Variants in CACNA1C observed in about 807,000 individuals in gnomAD.
CACNA1C encodes the protein voltage-dependent L-type calcium channel subunit alpha-1C.
Under a neutral mutation model 229.0 loss-of-function variants are expected in CACNA1C, and 30 were observed. That is an observed-to-expected ratio of 0.13 (90% CI 0.10 to 0.18). The LOEUF (loss-of-function observed/expected upper bound fraction) is 0.18, where lower values mean the gene tolerates loss of function less well. CACNA1C is among the 10% of genes least tolerant of loss of function. The pLI is 1.00. For missense variants in CACNA1C, 1,658 were observed against 2,845.0 expected, an observed-to-expected ratio of 0.58 and a Z score of 9.49; for synonymous variants, 1,114 against 1,132.5, an observed-to-expected ratio of 0.98 and a Z score of 0.33.
At chr12:2,395,770 A>T (rs915795317) in intron 3 of CACNA1C, among the ~76,000 whole-genome samples, 2 of 152,180 alleles carry the variant, frequency 1.3e-5, no homozygotes, top group African/African-American at 4.8e-5. Context: ...GATCTGAGAA[A>T]AGGTAGCCGA....
In CACNA1C at chr12:2,549,747, C is replaced by T. The variant is rs117000153; in HGVS notation, c.1391-196C>T. ...TTCCATTAGTTTACAGTGTTCTTGG[C>T]GGCAAAACCTGCCTGGACAACCAGC... On this transcript the variant is annotated intron_variant, in intron 9 of 46. Coordinates refer to ENST00000399655, the MANE Select transcript of CACNA1C (RefSeq NM_000719.7). Among the ~76,000 whole-genome samples, 617 of 152,296 alleles carry T rather than the reference C, an allele frequency of 4.1e-3. 3 individuals carry two copies. The highest frequency in any genetic ancestry group is 7.0e-3 in the Non-Finnish European group (478 of 68,024).
intron 9 of CACNA1C, among the ~76,000 whole-genome samples, chr12:2,533,963 C>T (rs1378400579): frequency 1.3e-5 from 2 of 152,186 alleles, no homozygotes; most frequent in Non-Finnish European, 1.5e-5. Flanking sequence ...CCATATGTGT[C>T]AGCACACCAA....
At chr12:2,333,461 A>G (rs1407670935) in intron 3 of CACNA1C, among the ~76,000 whole-genome samples, 1 of 152,160 alleles carries the variant, frequency 6.6e-6, no homozygotes, top group African/African-American at 2.4e-5. Flanking sequence ...CTTGTTATTA[A>G]ATAACAAGCA....
chr12:2,300,790 T>G (rs895600346), intron 3 of CACNA1C, among the ~76,000 whole-genome samples: 2 of 152,134 alleles, frequency 1.3e-5, no homozygotes, highest in African/African-American at 4.8e-5. Flanking sequence ...GGCTAGATGA[T>G]TCAAGGATGG....
intron 3 of CACNA1C, among the ~76,000 whole-genome samples, chr12:2,377,243 A>AT (rs1320723753): frequency 4.6e-5 from 7 of 152,266 alleles, no homozygotes; most frequent in Middle Eastern, 3.4e-3. Context: ...TGTGGCCTCA[A>AT]TGCCCTCCTC....
chr12:2,182,312 G>A (rs567046863), intron 3 of CACNA1C, among the ~76,000 whole-genome samples: 5 of 152,144 alleles, frequency 3.3e-5, no homozygotes, highest in African/African-American at 1.2e-4. Flanking sequence ...TACAGTGATG[G>A]GTTCATGCAC....
intron 3 of CACNA1C, among the ~76,000 whole-genome samples, chr12:2,283,105 C>G (rs920955353): frequency 6.6e-6 from 1 of 152,008 alleles, no homozygotes; most frequent in African/African-American, 2.4e-5. Context: ...CAAGGATCCC[C>G]TGGGAATCTT....
intron 37 of CACNA1C, among the ~76,000 whole-genome samples, chr12:2,667,924 A>AC (rs1452700445): frequency 3.3e-5 from 5 of 152,140 alleles, no homozygotes; most frequent in African/African-American, 1.2e-4. Flanking sequence ...GCTCGTCATG[A>AC]CCCATTGCAT....
intron 3 of CACNA1C, among the ~76,000 whole-genome samples, chr12:2,378,445 T>G (rs2098135362): frequency 6.6e-6 from 1 of 152,190 alleles, no homozygotes; most frequent in Admixed American, 6.5e-5. Flanking sequence ...AGCGCCTGTC[T>G]TCATTACCCA....
intron 16 of CACNA1C, among the ~76,000 whole-genome samples, chr12:2,584,917 C>T (rs2061844970): frequency 6.6e-6 from 1 of 152,066 alleles, no homozygotes; most frequent in Admixed American, 6.5e-5. Flanking sequence ...AGAAAGGTAA[C>T]CACTCAGTTG....
intron 3 of CACNA1C, among the ~76,000 whole-genome samples, chr12:2,149,812 G>A (rs1047014626): frequency 2.0e-5 from 3 of 152,212 alleles, no homozygotes. Context: ...AAGGGCTGCC[G>A]GTGGATCCGG....
chr12:2,137,493 G>C (rs1273221914), intron 3 of CACNA1C, among the ~76,000 whole-genome samples: 3 of 151,120 alleles, frequency 2.0e-5, no homozygotes, highest in Non-Finnish European at 4.4e-5. Flanking sequence ...GGCTGAGACG[G>C]GAGGAGTGCT....
chr12:1,981,163 C>G (rs1011047100), intron 1 of CACNA1C, among the ~76,000 whole-genome samples: 4 of 152,122 alleles, frequency 2.6e-5, no homozygotes, highest in African/African-American at 9.7e-5. Flanking sequence ...TACCACTACA[C>G]ATATTAAAGT....
chr12:2,338,172 G>A (rs1363603095), intron 3 of CACNA1C, among the ~76,000 whole-genome samples: 2 of 152,168 alleles, frequency 1.3e-5, no homozygotes, highest in African/African-American at 4.8e-5. Context: ...GGCTACATGG[G>A]GGGAGGAGAG....
intron 3 of CACNA1C, among the ~76,000 whole-genome samples, chr12:2,122,966 A>G (rs560003838): frequency 1.1e-4 from 16 of 152,330 alleles, no homozygotes; most frequent in Non-Finnish European, 1.3e-4. Flanking sequence ...ATGCGCATCA[A>G]AAAATTTCCT....
chr12:2,589,453 G>A (rs1039643148), intron 18 of CACNA1C, among the ~76,000 whole-genome samples: 10 of 152,250 alleles, frequency 6.6e-5, no homozygotes, highest in Admixed American at 5.9e-4. Context: ...GAGACCCTGA[G>A]TGCAGAGTCT....
At chr12:2,194,164 C>G (rs1186864404) in intron 3 of CACNA1C, among the ~76,000 whole-genome samples, 5 of 151,046 alleles carry the variant, frequency 3.3e-5, no homozygotes, top group Admixed American at 6.6e-5. Context: ...CCTAGTGCTT[C>G]TCCTCCTGTT....
intron 5 of CACNA1C, among the ~76,000 whole-genome samples, chr12:2,478,733 G>A (rs1339750039): frequency 6.6e-6 from 1 of 152,186 alleles, no homozygotes; most frequent in Non-Finnish European, 1.5e-5. Flanking sequence ...ATGAGATGTG[G>A]TGGGATTGGG....
chr12:2,171,486 TG>T (rs1566121394), intron 3 of CACNA1C, among the ~76,000 whole-genome samples: 2 of 151,946 alleles, frequency 1.3e-5, no homozygotes, highest in African/African-American at 4.8e-5. Flanking sequence ...GACGGGGAGG[TG>T]GGGACTCCAC....
Sources: gnomAD v4.1 joint callset for allele counts (sites outside exome capture counted in the v4.1 genomes callset) on GRCh38, gnomAD v4.1.1 for gene constraint, MANE v1.5 for transcripts, NCBI Gene and HGNC (gene_info 2026-07-23, HGNC 2026-07-21) for gene names.